OLA1: variants seen among roughly 807,000 people sequenced by gnomAD.
OLA1 encodes the protein obg-like ATPase 1.
Under a neutral mutation model 48.4 loss-of-function variants are expected in OLA1, and 14 were observed. The ratio of observed to expected loss-of-function variants is 0.29; its 90% CI spans 0.19 to 0.45. The LOEUF (loss-of-function observed/expected upper bound fraction) is 0.45, where lower values mean the gene tolerates loss of function less well. OLA1 is among the 20% of genes least tolerant of loss of function. The pLI, the probability that OLA1 is intolerant of heterozygous loss-of-function variation, is 1.00. For synonymous variants in OLA1, 127 were observed against 150.4 expected (o/e 0.84, Z 1.14); for missense variants, 325 against 467.1 (o/e 0.70, Z 2.80).
At chr2:174,195,260 A>C (rs111279094) in intron 4 of OLA1, among the ~76,000 whole-genome samples, 4 of 152,250 alleles carry the variant, frequency 2.6e-5, no homozygotes, top group African/African-American at 7.2e-5. Flanking sequence ...TCACTGCTGT[A>C]ATTTTTTTAT....
chr2:174,235,381 TTTA>T (rs1688825456), intron 2 of OLA1, among the ~76,000 whole-genome samples: 2 of 152,132 alleles, frequency 1.3e-5, no homozygotes, highest in Admixed American at 6.5e-5. Flanking sequence ...GACAGTAAGA[TTTA>T]AATTCATTTA....
chr2:174,227,949 A>T (rs1048469204), intron 3 of OLA1, among the ~76,000 whole-genome samples: 1 of 152,220 alleles, frequency 6.6e-6, no homozygotes, highest in South Asian at 2.1e-4. Flanking sequence ...TGCTGATAAG[A>T]CTGGATACGG....
chr2:174,092,702 C>G (rs1346016087), intron 7 of OLA1, among the ~76,000 whole-genome samples: 1 of 152,010 alleles, frequency 6.6e-6, no homozygotes, highest in Non-Finnish European at 1.5e-5. Flanking sequence ...TCTTACATAC[C>G]TTATCTACTT....
intron 5 of OLA1, among the ~76,000 whole-genome samples, chr2:174,132,099 C>T (rs915838157): frequency 6.6e-6 from 1 of 151,960 alleles, no homozygotes; most frequent in South Asian, 2.1e-4. Flanking sequence ...CTTAAGCAGT[C>T]TTTTAAATTT....
At chr2:174,109,889 T>C (rs1369551628) in intron 7 of OLA1, among the ~76,000 whole-genome samples, 1 of 152,160 alleles carries the variant, frequency 6.6e-6, no homozygotes, top group Non-Finnish European at 1.5e-5. Flanking sequence ...AGGCTTTTTT[T>C]GTACCTATCA....
chr2:174,228,984 C>A (rs1026208739), intron 3 of OLA1, among the ~76,000 whole-genome samples: 1 of 152,172 alleles, frequency 6.6e-6, no homozygotes, highest in Non-Finnish European at 1.5e-5. Flanking sequence ...TCAAGCAATT[C>A]TCCTGCCTCA....
intron 4 of OLA1, among the ~76,000 whole-genome samples, chr2:174,147,720 T>G (rs1170796258): frequency 6.6e-6 from 1 of 152,270 alleles, no homozygotes; most frequent in South Asian, 2.1e-4. Flanking sequence ...AGTGAGCTAC[T>G]GAGTAATTTT....
At chr2:174,088,974 C>T (rs951340306) in intron 7 of OLA1, among the ~76,000 whole-genome samples, 3 of 152,162 alleles carry the variant, frequency 2.0e-5, no homozygotes, top group African/African-American at 7.2e-5. Context: ...TCTGACTTCA[C>T]GGAGTTGTAC....
At chr2:174,227,432 T>G (rs1458024597) in intron 3 of OLA1, among the ~76,000 whole-genome samples, 1 of 152,106 alleles carries the variant, frequency 6.6e-6, no homozygotes, top group African/African-American at 2.4e-5. Context: ...TTTACTATGG[T>G]TGTGTGGGAG....
At chr2:174,109,402 AT>A (rs139010883) in intron 7 of OLA1, among the ~76,000 whole-genome samples, 1,973 of 152,318 alleles carry the variant, frequency 0.013, 40 homozygotes, top group African/African-American at 0.044. Flanking sequence ...TTTTAAAAAA[AT>A]AATGTCCCAT....
intron 2 of OLA1, among the ~76,000 whole-genome samples, chr2:174,230,967 A>C (rs1393925623): frequency 6.6e-6 from 1 of 152,222 alleles, no homozygotes; most frequent in Admixed American, 6.5e-5. Flanking sequence ...TTCTGGGCAA[A>C]AGAAGGATGC....
chr2:174,172,348 A>C (rs1026957652), intron 4 of OLA1: 2 of 157,924 alleles, frequency 1.3e-5, no homozygotes, highest in African/African-American at 4.8e-5. Flanking sequence ...AGTGGCGAAA[A>C]GAGTGCTCCC....
chr2:174,246,187 C>T (rs1036481325), intron 2 of OLA1, among the ~76,000 whole-genome samples: 1 of 151,554 alleles, frequency 6.6e-6, no homozygotes, highest in African/African-American at 2.4e-5. Context: ...GTAATCCCAG[C>T]TACTCAGGAA....
intron 7 of OLA1, among the ~76,000 whole-genome samples, chr2:174,082,764 C>T (rs1267839601): frequency 6.6e-6 from 1 of 152,114 alleles, no homozygotes; most frequent in Non-Finnish European, 1.5e-5. Context: ...GGAAACTGAT[C>T]CTAGTTGTTA....
At chr2:174,163,480 G>C (rs1286582067) in intron 4 of OLA1, among the ~76,000 whole-genome samples, 2 of 151,626 alleles carry the variant, frequency 1.3e-5, no homozygotes, top group Non-Finnish European at 2.9e-5. Flanking sequence ...CTGAGGTCAG[G>C]AGTTAGAGAC....
Position 174,165,590 on chromosome 2 carries a change from C to A in OLA1, c.374-23590G>T, listed in dbSNP as rs989470247. On this transcript the variant is annotated intron_variant, in intron 4 of 10. Transcript: ENST00000284719. ...CTGGAGAGTCCACGCCAAAGAAATT[C>A]TTGTTCCCTTTCATCTAACCAAAGT... Among the ~76,000 whole-genome samples, 5 of 152,302 alleles carry A rather than the reference C, an allele frequency of 3.3e-5. No individual in the cohort carries two copies. The Middle Eastern group carries it at 0.01, about 311-fold the overall frequency.
intron 4 of OLA1, among the ~76,000 whole-genome samples, chr2:174,205,537 A>G (rs1688092786): frequency 6.6e-6 from 1 of 152,206 alleles, no homozygotes; most frequent in Admixed American, 6.5e-5. Context: ...TCACCTCAGG[A>G]ACTAGGGAAG....
In OLA1 at chr2:174,112,260, T is replaced by G. The variant is rs574817678; in HGVS notation, c.728+10920A>C. ...GCTCTGCAGATGAACTGCTTACAAT[T>G]GGATGTCGGCACCACTGACTGGTTA... On this transcript the variant is annotated intron_variant, in intron 7 of 10. Coordinates refer to ENST00000284719, the MANE Select transcript of OLA1 (RefSeq NM_013341.5). 5.9e-5 allele frequency among the ~76,000 whole-genome samples: 9 copies of G among 152,210 alleles called. No individual in the cohort carries two copies. The South Asian group carries it at 8.3e-4, about 14-fold the overall frequency.
chr2:174,199,234 T>G (rs1687939585), intron 4 of OLA1, among the ~76,000 whole-genome samples: 1 of 152,222 alleles, frequency 6.6e-6, no homozygotes. Context: ...GGTTATTTAA[T>G]CTTTTGTATC....
Sources: allele counts gnomAD v4.1 joint callset (sites outside exome capture counted in the v4.1 genomes callset), GRCh38; gene constraint gnomAD v4.1.1; transcripts MANE v1.5; gene names NCBI Gene and HGNC (gene_info 2026-07-23, HGNC 2026-07-21).